OR1R1: variants seen among roughly 807,000 people sequenced by gnomAD.
OR1R1 encodes olfactory receptor 1R1.
the OR1R1 span, chr17:3,386,677 C>T: frequency 2.9e-6 from 1 of 343,248 alleles, no homozygotes; most frequent in East Asian, 4.1e-5. Flanking sequence ...GGCGGTGGCG[C>T]TTTTCTTTGG....
At chr17:3,386,521 G>C in the OR1R1 span, 3 of 398,318 alleles carry the variant, frequency 7.5e-6, no homozygotes, top group East Asian at 1.1e-4. Context: ...CGCGGAGACG[G>C]CCATCTTCTC....
At chr17:3,386,406 C>G in the OR1R1 span, 5 of 398,412 alleles carry the variant, frequency 1.3e-5, 1 homozygote, top group Admixed American at 2.2e-4. Context: ...CGCTGCTGCA[C>G]ACGCTGCTCC....
At chr17:3,386,312 G>C in the OR1R1 span, 5 of 398,282 alleles carry the variant, frequency 1.3e-5, no homozygotes, top group Non-Finnish European at 2.2e-5. Flanking sequence ...GCGGCGTGCC[G>C]GCCCCTGCGC....
At chr17:3,386,584 C>G in the OR1R1 span, 1 of 398,298 alleles carries the variant, frequency 2.5e-6, no homozygotes, top group African/African-American at 2.1e-5. Flanking sequence ...CCTTTTCCTA[C>G]GCGCGCATCC....
chr17:3,386,266 T>G, the OR1R1 span: 5 of 398,650 alleles, frequency 1.3e-5, no homozygotes, highest in African/African-American at 6.2e-5. Context: ...CACCGAGAGC[T>G]ACCTCCTGGC....
the OR1R1 span, chr17:3,385,943 A>G: frequency 5.0e-6 from 2 of 398,464 alleles, no homozygotes; most frequent in Admixed American, 4.4e-5. Flanking sequence ...GCTCCGACCA[A>G]CCTCACATCT....
chr17:3,386,429 C>G, the OR1R1 span: 2 of 398,370 alleles, frequency 5.0e-6, no homozygotes, highest in African/African-American at 2.1e-5. Flanking sequence ...TCCGCGCTCT[C>G]CTACCCCTAC....
At chr17:3,386,137 G>C in the OR1R1 span, 1 of 398,852 alleles carries the variant, frequency 2.5e-6, no homozygotes. Context: ...GAGCCTCGTG[G>C]ACGTCTGCTT....
the OR1R1 span, chr17:3,386,511 C>T: frequency 7.5e-6 from 3 of 398,458 alleles, no homozygotes; most frequent in South Asian, 2.5e-4. Context: ...ACACGTCCGC[C>T]GCGGAGACGG....
At chr17:3,386,806 C>A in the OR1R1 span, 2 of 398,596 alleles carry the variant, frequency 5.0e-6, no homozygotes, top group Non-Finnish European at 8.8e-6. Context: ...CAACAGCCTT[C>A]GCAACAAAGA....
the OR1R1 span, chr17:3,386,504 C>G: frequency 5.0e-6 from 2 of 398,370 alleles, no homozygotes; most frequent in African/African-American, 2.1e-5. Flanking sequence ...ACCTCGGACA[C>G]GTCCGCCGCG....
the OR1R1 span, chr17:3,386,672 T>TGGCGGC: frequency 2.5e-6 from 1 of 398,292 alleles, no homozygotes; most frequent in African/African-American, 2.1e-5. Context: ...GCGGTGGCGG[T>TGGCGGC]GGCGCTTTTC....
the OR1R1 span, chr17:3,386,639 C>T: frequency 2.5e-6 from 1 of 397,948 alleles, no homozygotes; most frequent in Non-Finnish European, 4.4e-6. Flanking sequence ...CGCGCCTTCT[C>T]CACCTGCGGG....
the OR1R1 span, chr17:3,386,154 C>T: frequency 8.8e-5 from 35 of 398,934 alleles, 1 homozygote; most frequent in South Asian, 2.0e-3. Flanking sequence ...GCTTTACCAC[C>T]GTCACGGTCC....
chr17:3,386,441 C>G, the OR1R1 span: 1 of 398,492 alleles, frequency 2.5e-6, no homozygotes. Context: ...TACCCCTACC[C>G]CACCCCCGTG....
chr17:3,386,277 G>A, the OR1R1 span: 2 of 398,480 alleles, frequency 5.0e-6, no homozygotes, highest in South Asian at 1.3e-4. Flanking sequence ...ACCTCCTGGC[G>A]GCCATGTCCT....
chr17:3,386,243 T>C, the OR1R1 span: 1 of 398,560 alleles, frequency 2.5e-6, no homozygotes, highest in Non-Finnish European at 4.4e-6. Context: ...TACTTCTTCG[T>C]GGCTCTGGGC....
the OR1R1 span, chr17:3,386,216 C>T: frequency 7.6e-4 from 302 of 398,796 alleles, 1 homozygote; most frequent in African/African-American, 5.4e-3. Context: ...TCCTTCCAGG[C>T]GTGCTTTGCC....
the OR1R1 span, chr17:3,386,754 C>G: frequency 2.5e-6 from 1 of 398,520 alleles, no homozygotes; most frequent in Non-Finnish European, 4.4e-6. Context: ...GCCTGGCCAG[C>G]GTGGTCTACG....
Sources: gnomAD v4.1 joint callset for allele counts on GRCh38, gnomAD v4.1.1 for gene constraint, MANE v1.5 for transcripts, NCBI Gene and HGNC (gene_info 2026-07-23, HGNC 2026-07-21) for gene names.